RSPH3: variants seen among roughly 807,000 people sequenced by gnomAD.
RSPH3 encodes the protein radial spoke head protein 3 homolog.
A neutral mutation model predicts 43.8 loss-of-function variants in RSPH3; 21 were observed. The observed-to-expected ratio is 0.48, with a 90% CI of 0.34 to 0.69. The LOEUF (loss-of-function observed/expected upper bound fraction) is 0.69, where lower values mean the gene tolerates loss of function less well. Ranked by LOEUF, RSPH3 falls within the 30% of genes least tolerant of loss-of-function variation. RSPH3 has a pLI of 0.01. For missense variants in RSPH3, 487 were observed against 516.0 expected, an observed-to-expected ratio of 0.94 and a Z score of 0.54; for synonymous variants, 173 against 179.8, an observed-to-expected ratio of 0.96 and a Z score of 0.30.
chr6:158,987,500 T>C (rs1778272471), intron 2 of RSPH3, among the ~76,000 whole-genome samples: 1 of 152,202 alleles, frequency 6.6e-6, no homozygotes, highest in South Asian at 2.1e-4. Context: ...ACTACTACCA[T>C]TCTGTTGCTT....
chr6:158,982,763 C>A (rs1479569143), intron 4 of RSPH3, 75 bp from the exon 5 acceptor site: 7 of 904,870 alleles, frequency 7.7e-6, no homozygotes, highest in Non-Finnish European at 1.2e-5. Context: ...TAATGAATAG[C>A]AATAACAAGA....
chr6:158,996,823 G>C (rs1320505831), intron 1 of RSPH3, among the ~76,000 whole-genome samples: 1 of 152,180 alleles, frequency 6.6e-6, no homozygotes, highest in Non-Finnish European at 1.5e-5. Context: ...GATATGGTTT[G>C]TCGTCTCCAC....
chr6:158,970,945 C>T (rs911133945), downstream of RSPH3, among the ~76,000 whole-genome samples: 3 of 152,128 alleles, frequency 2.0e-5, no homozygotes, highest in East Asian at 1.9e-4. Context: ...CCTCAGGCAG[C>T]TGTGATGTTA....
chr6:158,993,800 T>G, intron 2 of RSPH3, 39 bp downstream of exon 2: 3 of 1,098,254 alleles, frequency 2.7e-6, no homozygotes, highest in Non-Finnish European at 4.1e-6. Flanking sequence ...CCATAGATAA[T>G]GTGAGAACAC....
the RSPH3 span, among the ~76,000 whole-genome samples, chr6:158,967,604 G>C: frequency 1.3e-5 from 2 of 152,096 alleles, no homozygotes; most frequent in African/African-American, 4.8e-5. Context: ...AGATTAATTA[G>C]TTTATAATAT....
intron 2 of RSPH3, among the ~76,000 whole-genome samples, chr6:158,993,622 C>A (rs1210679227): frequency 6.6e-6 from 1 of 152,138 alleles, no homozygotes; most frequent in Admixed American, 6.5e-5. Flanking sequence ...ACTCATTAAA[C>A]AATAACTCCC....
intron 5 of RSPH3, 57 bp from the exon 6 acceptor site, chr6:158,980,993 T>A (rs1778016269): frequency 6.4e-7 from 1 of 1,551,838 alleles, no homozygotes; most frequent in African/African-American, 1.4e-5. Flanking sequence ...AAGTGCTGAA[T>A]CTAGTGAAGT....
At chr6:158,983,959 C>A (rs1053516696) in intron 3 of RSPH3, 152 bp from the exon 4 acceptor site, 12 of 607,492 alleles carry the variant, frequency 2.0e-5, no homozygotes, top group Non-Finnish European at 3.5e-5. Context: ...CATGGCGAAA[C>A]CCCATCTCTA....
Position 158,989,440 on chromosome 6 carries a change from C to T in RSPH3, c.205-3019G>A, listed in dbSNP as rs751213375. Among the ~76,000 whole-genome samples, 3 of 152,184 alleles carry T rather than the reference C, an allele frequency of 2.0e-5. No individual in the cohort carries two copies. Among genetic ancestry groups the T allele is most frequent in the Non-Finnish European group, 4.4e-5 (3 of 68,040 alleles). ...CTGGCTCTAGTAAATGATCAGAGCA[C>T]TGCCCATCCTGAATGGGGGAGGTCC... On this transcript the variant is annotated intron_variant, in intron 2 of 7. Transcript: ENST00000367069. This position sits in a 1 kb window ranked among gnomAD's most constrained non-coding sequence, Gnocchi z 4.3.
At position 158,974,846 on chromosome 6, in the gene RSPH3, G is replaced by GT. The variant is rs1386687463; in HGVS notation, c.*2691dup. 0.026 allele frequency: 3,739 copies of GT among 145,368 alleles called. 132 individuals carry two copies. Among genetic ancestry groups the GT allele is most frequent in the African/African-American group, 0.083 (3,314 of 40,096 alleles). 9.0% of individuals were successfully genotyped at this position (145,368 alleles called of 1,614,324 possible). A position where few individuals can be genotyped will look rare whatever the true frequency, so the allele number is the denominator to read the frequency against. ...TAATCAACTTCAAATCAATTTTAAG[G>GT]TTTTTTTTTTTTGAGAAGGAGTCTC... On this transcript the variant is annotated 3_prime_UTR_variant, in exon 8 of 8. Coordinates refer to ENST00000367069, the MANE Select transcript of RSPH3 (RefSeq NM_031924.8).
chr6:158,972,497 G>A (rs1777705480), downstream of RSPH3, among the ~76,000 whole-genome samples: 2 of 152,172 alleles, frequency 1.3e-5, no homozygotes, highest in East Asian at 3.8e-4. Flanking sequence ...TTTTTGAACT[G>A]TGCTCACCAA....
chr6:158,977,225 C>A lies in RSPH3; in HGVS notation c.*313G>T, dbSNP rs1396073243. The A allele has an allele frequency of 1.8e-5, 5 of 274,616 alleles. No homozygotes were observed. The highest frequency in any genetic ancestry group is 8.2e-5 in the East Asian group (1 of 12,266). 17.0% of individuals were successfully genotyped at this position (274,616 alleles called of 1,614,324 possible). On this transcript the variant is annotated 3_prime_UTR_variant, in exon 8 of 8. Coordinates refer to ENST00000367069, the MANE Select transcript of RSPH3 (RefSeq NM_031924.8). ...TATCATACTTACTAAAAAAAACTAA[C>A]CCGCAAAATTAGAAGGGCTAAGGAA...
At position 158,983,876 on chromosome 6, in the gene RSPH3, A is replaced by G; in HGVS notation, c.347-69T>C. 8 of 1,137,736 alleles carry G rather than the reference A, an allele frequency of 7.0e-6. No individual in the cohort carries two copies. In the South Asian group the frequency reaches 8.8e-5, roughly 13 times the overall value. 70.5% of individuals were successfully genotyped at this position (1,137,736 alleles called of 1,614,324 possible). ...AGGCCAGGCATGGTAGTTCATGCCC[A>G]TAATCCCAGCACTTTGGGAGGCCGA... On this transcript the variant is annotated intron_variant, in intron 3 of 7. Transcript: ENST00000367069.
At position 158,989,069 on chromosome 6, in the gene RSPH3, C is replaced by T. The variant is rs1003616686; in HGVS notation, c.205-2648G>A. ...GAGTTTTTTTTTATCTTTTTTGAGA[C>T]AGAGTCTCGCTCTGTCACCCTGGCT... On this transcript the variant is annotated intron_variant, in intron 2 of 7. Coordinates refer to ENST00000367069, the MANE Select transcript of RSPH3 (RefSeq NM_031924.8). The surrounding 1 kb of genome is among the most constrained non-coding windows in gnomAD (Gnocchi z 4.3). Among the ~76,000 whole-genome samples, 2 of 151,134 alleles carry T rather than the reference C, an allele frequency of 1.3e-5. No homozygotes were observed. The highest frequency in any genetic ancestry group is 2.9e-5 in the Non-Finnish European group (2 of 67,934).
chr6:158,963,233 T>G, the RSPH3 span, among the ~76,000 whole-genome samples: 3 of 152,212 alleles, frequency 2.0e-5, no homozygotes, highest in Non-Finnish European at 2.9e-5. Flanking sequence ...AAGTGATAAT[T>G]CTTACTCAAT....
chr6:158,983,073 T>C (rs1244381844), intron 4 of RSPH3, among the ~76,000 whole-genome samples: 1 of 152,178 alleles, frequency 6.6e-6, no homozygotes, highest in Non-Finnish European at 1.5e-5. Context: ...TAGGCAAATA[T>C]AACTTTCAGG....
In RSPH3 at chr6:158,977,330, C is replaced by A; in HGVS notation, c.*208G>T. 1 of 519,360 alleles carries A rather than the reference C, an allele frequency of 1.9e-6. No homozygotes were observed. Among genetic ancestry groups the A allele is most frequent in the Non-Finnish European group, 3.4e-6 (1 of 298,126 alleles). The allele number at this position is 519,360 out of a possible 1,614,324, so 32.2% of individuals were successfully genotyped here. ...ATTCTCATTAGAATTACAATATAGC[C>A]TTTGAATATTCTATTAAATAAATGA... On this transcript the variant is annotated 3_prime_UTR_variant, in exon 8 of 8. Coordinates refer to ENST00000367069, the MANE Select transcript of RSPH3 (RefSeq NM_031924.8).
chr6:158,977,319 T>G lies in RSPH3; in HGVS notation c.*219A>C. 2.1e-6 allele frequency: 1 copy of G among 484,500 alleles called. No individual in the cohort carries two copies. The highest frequency in any genetic ancestry group is 3.6e-6 in the Non-Finnish European group (1 of 278,450). 30.0% of individuals were successfully genotyped at this position (484,500 alleles called of 1,614,324 possible). On this transcript the variant is annotated 3_prime_UTR_variant, in exon 8 of 8. Transcript: ENST00000367069. ...AATTAAATATAATTCTCATTAGAAT[T>G]ACAATATAGCCTTTGAATATTCTAT...
chr6:158,993,428 CT>C (rs369613942), intron 2 of RSPH3, among the ~76,000 whole-genome samples: 15,598 of 117,914 alleles, frequency 0.13, 1,458 homozygotes, highest in East Asian at 0.48. Flanking sequence ...CTGGGGCTTG[CT>C]TTTTTTTTTT....
Sources: gnomAD v4.1 joint callset for allele counts (sites outside exome capture counted in the v4.1 genomes callset) on GRCh38, gnomAD v4.1.1 for gene constraint, Gnocchi (gnomAD v3.1) non-coding constraint, MANE v1.5 for transcripts, NCBI Gene and HGNC (gene_info 2026-07-23, HGNC 2026-07-21) for gene names.